Variants in ZNF804A observed in about 807,000 individuals in gnomAD.
ZNF804A encodes zinc finger protein 804A.
ZNF804A carries 2 observed loss-of-function variants against 16.5 expected under a neutral mutation model. The ratio of observed to expected loss-of-function variants is 0.12; its 90% CI spans 0.05 to 0.38. ZNF804A has a LOEUF of 0.38. Ranked by LOEUF, ZNF804A falls within the 10% of genes least tolerant of loss-of-function variation. The pLI, the probability that ZNF804A is intolerant of heterozygous loss-of-function variation, is 0.99. For missense variants in ZNF804A, 1,473 were observed against 1,390.7 expected (o/e 1.06, Z -0.94); for synonymous variants, 534 against 489.6 (o/e 1.09, Z -1.20).
chr2:184,796,038 A>T (rs1288075492), intron 1 of ZNF804A, among the ~76,000 whole-genome samples: 5 of 151,986 alleles, frequency 3.3e-5, no homozygotes, highest in African/African-American at 7.2e-5. Flanking sequence ...CGCATATGTT[A>T]TGCCATCCCT....
Position 184,719,964 on chromosome 2 carries a change from C to T in ZNF804A, c.111+120894C>T, listed in dbSNP as rs72901823. On this transcript the variant is annotated intron_variant, in intron 1 of 3. Coordinates refer to ENST00000302277, the MANE Select transcript of ZNF804A (RefSeq NM_194250.2). ...AATGTAAAGTATTATTTTGTTTTTACACTGCTGATAATGTCATGTCCAAGA... is the reference window on the plus strand; with the variant it reads ...AATGTAAAGTATTATTTTGTTTTTATACTGCTGATAATGTCATGTCCAAGA... Among the ~76,000 whole-genome samples the T allele has an allele frequency of 6.2e-3, 941 of 152,266 alleles. 8 individuals are homozygous for T. Among genetic ancestry groups the T allele is most frequent in the Non-Finnish European group, 0.012 (783 of 68,012 alleles).
At chr2:184,740,829 T>G (rs1693699319) in intron 1 of ZNF804A, among the ~76,000 whole-genome samples, 1 of 152,156 alleles carries the variant, frequency 6.6e-6, no homozygotes, top group South Asian at 2.1e-4. Context: ...AAATATTCAC[T>G]TATCTTCACC....
At chr2:184,906,501 A>G (rs1360036460) in intron 2 of ZNF804A, among the ~76,000 whole-genome samples, 1 of 152,048 alleles carries the variant, frequency 6.6e-6, no homozygotes, top group Non-Finnish European at 1.5e-5. Flanking sequence ...GGGTTTCGCC[A>G]TATTGCCCAC....
intron 1 of ZNF804A, among the ~76,000 whole-genome samples, chr2:184,784,895 T>C (rs1694424128): frequency 6.6e-6 from 1 of 151,982 alleles, no homozygotes; most frequent in African/African-American, 2.4e-5. Context: ...TGGATAAACT[T>C]GGACTTGGGA....
intron 1 of ZNF804A, among the ~76,000 whole-genome samples, chr2:184,620,984 TAAG>T (rs910914887): frequency 2.0e-5 from 3 of 151,594 alleles, no homozygotes; most frequent in African/African-American, 7.2e-5. Flanking sequence ...TTTCCTATAA[TAAG>T]AATAATTAAT....
chr2:184,667,492 G>A (rs541840516), intron 1 of ZNF804A, among the ~76,000 whole-genome samples: 13 of 151,912 alleles, frequency 8.6e-5, no homozygotes, highest in South Asian at 8.3e-4. Context: ...ATTGTGGGCC[G>A]AGGATCTACT....
At position 184,775,854 on chromosome 2, in the gene ZNF804A, T is replaced by C. The variant is rs1694277701; in HGVS notation, c.112-90515T>C. The stretch of plus-strand genomic sequence containing the variant: ...AGCACTAGATGTTTGGATATGAGGG[T>C]AAATCTTTGTTCAGTTAGGTATTAG... On this transcript the variant is annotated intron_variant, in intron 1 of 3. Transcript: ENST00000302277. 1.3e-5 allele frequency among the ~76,000 whole-genome samples: 2 copies of C among 151,598 alleles called. 1 individual carries two copies. The highest frequency in any genetic ancestry group is 4.1e-4 in the South Asian group (2 of 4,826).
chr2:184,912,212 A>C (rs754339685), intron 2 of ZNF804A, among the ~76,000 whole-genome samples: 3 of 152,022 alleles, frequency 2.0e-5, no homozygotes, highest in African/African-American at 7.2e-5. Context: ...TGATTTAGCT[A>C]TTCTGAATAT....
chr2:184,603,327 T>G (rs998716740), intron 1 of ZNF804A, among the ~76,000 whole-genome samples: 4 of 152,170 alleles, frequency 2.6e-5, no homozygotes, highest in African/African-American at 9.7e-5. Flanking sequence ...TCTTTTGACA[T>G]GTTTGTAGGT....
At chr2:184,609,988 C>T (rs1030785379) in intron 1 of ZNF804A, among the ~76,000 whole-genome samples, 2 of 152,132 alleles carry the variant, frequency 1.3e-5, no homozygotes, top group Admixed American at 1.3e-4. Flanking sequence ...ATAGGTGGGA[C>T]ATTTGGGAGA....
intron 2 of ZNF804A, among the ~76,000 whole-genome samples, chr2:184,901,360 A>T (rs1350566080): frequency 6.6e-6 from 1 of 152,156 alleles, no homozygotes; most frequent in Non-Finnish European, 1.5e-5. Flanking sequence ...AAGGAAAGAG[A>T]ATTGAAAGAA....
intron 1 of ZNF804A, among the ~76,000 whole-genome samples, chr2:184,847,780 T>C (rs1007393366): frequency 6.6e-6 from 1 of 152,044 alleles, no homozygotes; most frequent in African/African-American, 2.4e-5. Context: ...GGCTCTAAAT[T>C]GGGAGTTTCT....
chr2:184,829,899 CAAAA>C (rs1244566222), intron 1 of ZNF804A, among the ~76,000 whole-genome samples: 2 of 38,896 alleles, frequency 5.1e-5, no homozygotes, highest in Non-Finnish European at 9.6e-5. Flanking sequence ...CTGTCTCTAC[CAAAA>C]AAAAAAAAAA....
intron 1 of ZNF804A, among the ~76,000 whole-genome samples, chr2:184,752,503 G>T (rs1036893587): frequency 1.3e-5 from 2 of 151,094 alleles, no homozygotes; most frequent in Non-Finnish European, 3.0e-5. Flanking sequence ...GGAGGGTGAG[G>T]GTTGAAAAAT....
chr2:184,860,109 G>T (rs1695774055), intron 1 of ZNF804A, among the ~76,000 whole-genome samples: 1 of 152,218 alleles, frequency 6.6e-6, no homozygotes, highest in African/African-American at 2.4e-5. Context: ...TGTCCATAGG[G>T]TGTGCCTTGG....
intron 1 of ZNF804A, among the ~76,000 whole-genome samples, chr2:184,801,832 C>A (rs887764181): frequency 6.6e-6 from 1 of 151,260 alleles, no homozygotes; most frequent in Non-Finnish European, 1.5e-5. Context: ...GATTTTCTTG[C>A]CTTTTTGTCT....
intron 2 of ZNF804A, among the ~76,000 whole-genome samples, chr2:184,911,397 G>A (rs1470916781): frequency 2.0e-5 from 3 of 151,992 alleles, no homozygotes; most frequent in African/African-American, 7.2e-5. Flanking sequence ...TTGAAGTCTA[G>A]TAACATGATA....
intron 1 of ZNF804A, among the ~76,000 whole-genome samples, chr2:184,610,710 T>C (rs1312504904): frequency 6.6e-6 from 1 of 152,160 alleles, no homozygotes; most frequent in Non-Finnish European, 1.5e-5. Context: ...ACAGTCAATG[T>C]CTGGACAATG....
At chr2:184,864,964 T>C (rs578149726) in intron 1 of ZNF804A, among the ~76,000 whole-genome samples, 1 of 140,062 alleles carries the variant, frequency 7.1e-6, no homozygotes, top group Admixed American at 7.6e-5. Flanking sequence ...CACTGCAACC[T>C]CTGCCTCCCA....
Sources: allele counts gnomAD v4.1 joint callset (sites outside exome capture counted in the v4.1 genomes callset), GRCh38; gene constraint gnomAD v4.1.1; transcripts MANE v1.5; gene names NCBI Gene and HGNC (gene_info 2026-07-23, HGNC 2026-07-21).